The following WFDC6 variants were observed in gnomAD, a reference collection of about 807,000 sequenced individuals.
WFDC6 encodes the protein WAP four-disulfide core domain 6, also known as WAP four-disulfide core domain protein 6.
WFDC6 carries 10 observed loss-of-function variants against 8.2 expected under a neutral mutation model. That is an observed-to-expected ratio of 1.22 (90% CI 0.75 to 2.07). The LOEUF is 2.07. Among genes scored for constraint, WFDC6 ranks in the 30% most tolerant of loss-of-function variants. WFDC6 has a pLI of 0.00. For missense variants in WFDC6, 105 were observed against 104.9 expected (o/e 1.00, Z 0.00); for synonymous variants, 28 against 37.0 (o/e 0.76, Z 0.88).
rs1600870859 is a variant in WFDC6, at chr20:45,537,602, TC to T, written c.222+361del. The T allele has an allele frequency of 4.6e-6, 7 of 1,513,004 alleles. No homozygotes were observed. The East Asian group carries it at 1.7e-4, about 37-fold the overall frequency. 93.7% of individuals were successfully genotyped at this position (1,513,004 alleles called of 1,614,324 possible). ...ATTATATACCTGTCTCTTATAGCTATCATATAACCTGACACAATGTTGGCAT... is the reference window on the plus strand; with the variant it reads ...ATTATATACCTGTCTCTTATAGCTATATATAACCTGACACAATGTTGGCAT... On this transcript the variant is annotated intron_variant, in intron 2 of 2. Transcript: ENST00000372670.
At chr20:45,537,573 A>G (rs1414659138) in intron 2 of WFDC6, 1 of 1,549,366 alleles carries the variant, frequency 6.5e-7, no homozygotes, top group South Asian at 1.2e-5. Context: ...GCCAGGAAAT[A>G]CAGATTATAT....
Position 45,534,468 on chromosome 20 carries a change from T to C in WFDC6, c.260A>G (p.Ter87=), listed in dbSNP as rs199682548. Residue 87 remains the stop codon, a stop_retained_variant, in exon 3 of 3, where the codon TAA becomes TGA. Transcript: ENST00000372670. ...GGATTATGAGCCAAATCCTGGAGGT[T>C]ATTCAAGCTCCTCCTTATGGTATAA... is the stretch of plus-strand genomic sequence containing the variant. ...LTLYHKEELE[*] is the part of the protein sequence containing the mutation. 4 of 1,614,020 alleles carry C rather than the reference T, an allele frequency of 2.5e-6. No homozygotes were observed. The East Asian group carries it at 8.9e-5, about 36-fold the overall frequency.
chr20:45,537,919 A>T, intron 2 of WFDC6, 45 bp downstream of exon 2: 1 of 1,613,226 alleles, frequency 6.2e-7, no homozygotes, highest in Non-Finnish European at 8.5e-7. Flanking sequence ...GCAGGTGGAG[A>T]TAGGAGGTGA....
intron 2 of WFDC6, 134 bp downstream of exon 2, chr20:45,537,830 T>C (rs1979423906): frequency 1.3e-6 from 2 of 1,504,878 alleles, no homozygotes; most frequent in Non-Finnish European, 1.8e-6. Context: ...ACTGGCAGAT[T>C]TGTGTCAAGT....
Position 45,534,440 on chromosome 20 carries a change from C to G in WFDC6, c.*27G>C. 1 of 1,613,896 alleles carries G rather than the reference C, an allele frequency of 6.2e-7. No individual in the cohort carries two copies. Among genetic ancestry groups the G allele is most frequent in the Non-Finnish European group, 8.5e-7 (1 of 1,179,840 alleles). On this transcript the variant is annotated 3_prime_UTR_variant, in exon 3 of 3. Coordinates refer to ENST00000372670, the MANE Select transcript of WFDC6 (RefSeq NM_080827.2). ...TCAATCAGGCACACGTGGAGAGAGG[C>G]CTGGATTATGAGCCAAATCCTGGAG... is the stretch of plus-strand genomic sequence containing the variant.
chr20:45,537,084 A>T (rs1214523167), intron 2 of WFDC6: 1 of 165,406 alleles, frequency 6.0e-6, no homozygotes, highest in Admixed American at 5.8e-5. Flanking sequence ...ATCATTAAGT[A>T]GGGCATTTAT....
At chr20:45,537,181 C>T in intron 2 of WFDC6, 1 of 274,518 alleles carries the variant, frequency 3.6e-6, no homozygotes, top group South Asian at 7.3e-5. Flanking sequence ...TTTCTTGTCT[C>T]TTGCTCACTC....
chr20:45,535,408 C>G, intron 2 of WFDC6: 1 of 1,209,818 alleles, frequency 8.3e-7, no homozygotes, highest in Middle Eastern at 3.6e-4. Context: ...TCTCTGGCCA[C>G]CATTCCCTTT....
intron 2 of WFDC6, chr20:45,535,255 A>G: frequency 7.7e-7 from 1 of 1,304,184 alleles, no homozygotes; most frequent in Non-Finnish European, 1.0e-6. Context: ...AGCAGATCTT[A>G]GTTTTTTTTA....
Position 45,534,368 on chromosome 20 carries a change from GT to G in WFDC6, c.*98del. On this transcript the variant is annotated 3_prime_UTR_variant, in exon 3 of 3. Transcript: ENST00000372670. ...GTGTGTAAGCAATTCCTGGGGTTCA[GT>G]TTCTGGAACAGCCAAGGTTTGGCCC... is the stretch of plus-strand genomic sequence containing the variant. The G allele has an allele frequency of 7.0e-7, 1 of 1,428,042 alleles. No individual in the cohort carries two copies. Among genetic ancestry groups the G allele is most frequent in the Non-Finnish European group, 9.9e-7 (1 of 1,011,064 alleles). 88.5% of individuals were successfully genotyped at this position (1,428,042 alleles called of 1,614,324 possible).
At chr20:45,538,149 C>G (rs371008884) in intron 1 of WFDC6, 55 bp from the exon 2 acceptor site, 6 of 1,611,210 alleles carry the variant, frequency 3.7e-6, no homozygotes, top group Non-Finnish European at 5.1e-6. Context: ...AGTGCTCCCC[C>G]TCCCCGAGAC....
intron 1 of WFDC6, among the ~76,000 whole-genome samples, chr20:45,538,565 G>A (rs966553809): frequency 5.3e-5 from 8 of 152,196 alleles, no homozygotes; most frequent in African/African-American, 1.9e-4. Context: ...CAGCAACACA[G>A]TTTGACAAGC....
chr20:45,536,849 T>C (rs1241442246), intron 2 of WFDC6: 1 of 153,624 alleles, frequency 6.5e-6, no homozygotes, highest in Non-Finnish European at 1.5e-5. Context: ...AAATCTGTTA[T>C]AGAATTACAA....
At chr20:45,537,364 C>G in intron 2 of WFDC6, 2 of 717,412 alleles carry the variant, frequency 2.8e-6, no homozygotes, top group South Asian at 3.6e-5. Flanking sequence ...ACCTTCCTGG[C>G]CACAATGAGC....
Position 45,534,267 on chromosome 20 carries a change from A to G in WFDC6, c.*200T>C. ...AAATAAATGGGGGGTCTGAAAGTTG[A>G]AGACATAGAGTTTCATACTGAGAAG... On this transcript the variant is annotated 3_prime_UTR_variant, in exon 3 of 3. Transcript: ENST00000372670. 1 of 643,792 alleles carries G rather than the reference A, an allele frequency of 1.6e-6. No homozygotes were observed. The highest frequency in any genetic ancestry group is 1.9e-5 in the South Asian group (1 of 52,988). 39.9% of individuals were successfully genotyped at this position (643,792 alleles called of 1,614,324 possible).
At chr20:45,537,395 G>T (rs529206144) in intron 2 of WFDC6, 102 of 933,106 alleles carry the variant, frequency 1.1e-4, no homozygotes, top group South Asian at 4.4e-4. Flanking sequence ...CATCATGGGT[G>T]TCAGGGGCAC....
chr20:45,538,530 C>A (rs1231407702), intron 1 of WFDC6, among the ~76,000 whole-genome samples: 3 of 152,148 alleles, frequency 2.0e-5, no homozygotes, highest in Non-Finnish European at 4.4e-5. Flanking sequence ...CCTCATTTGC[C>A]CATAGGGTTG....
chr20:45,538,539 T>A (rs1979461835), intron 1 of WFDC6, among the ~76,000 whole-genome samples: 2 of 152,210 alleles, frequency 1.3e-5, no homozygotes, highest in African/African-American at 4.8e-5. Context: ...CCCATAGGGT[T>A]GCTTTGAAGA....
chr20:45,535,464 C>T, intron 2 of WFDC6: 1 of 1,002,024 alleles, frequency 1.0e-6, no homozygotes, highest in South Asian at 1.7e-5. Flanking sequence ...GTTCCCAATT[C>T]AGTGTGAACC....
Sources: allele counts gnomAD v4.1 joint callset (sites outside exome capture counted in the v4.1 genomes callset), GRCh38; gene constraint gnomAD v4.1.1; transcripts MANE v1.5; gene names NCBI Gene and HGNC (gene_info 2026-07-23, HGNC 2026-07-21).